FADS2: variants seen among roughly 807,000 people sequenced by gnomAD.
The protein encoded by FADS2 is fatty acid desaturase 2.
A neutral mutation model predicts 61.2 loss-of-function variants in FADS2; 18 were observed. The ratio of observed to expected loss-of-function variants is 0.29; its 90% CI spans 0.20 to 0.44. The LOEUF (loss-of-function observed/expected upper bound fraction) is 0.44, where lower values mean the gene tolerates loss of function less well. Among genes scored for constraint, FADS2 ranks in the 20% least tolerant of loss-of-function variants. The pLI, the probability that FADS2 is intolerant of heterozygous loss-of-function variation, is 1.00. For synonymous variants in FADS2, 203 were observed against 223.9 expected, an observed-to-expected ratio of 0.91 and a Z score of 0.83; for missense variants, 322 against 572.7, an observed-to-expected ratio of 0.56 and a Z score of 4.47.
intron 5 of FADS2, among the ~76,000 whole-genome samples, chr11:61,852,671 G>A (rs2067317339): frequency 6.6e-6 from 1 of 152,190 alleles, no homozygotes; most frequent in Non-Finnish European, 1.5e-5. Flanking sequence ...CGGGAAAGCA[G>A]TGGATATTGG....
chr11:61,833,587 C>G (rs2067146738), intron 1 of FADS2, among the ~76,000 whole-genome samples: 1 of 152,222 alleles, frequency 6.6e-6, no homozygotes, highest in Non-Finnish European at 1.5e-5. Context: ...CTCTGCCAAC[C>G]TACGCCTGAT....
In FADS2 at chr11:61,837,860, A is replaced by T; in HGVS notation, c.290A>T (p.Glu97Val). 1 of 1,613,734 alleles carries T rather than the reference A, an allele frequency of 6.2e-7. No homozygotes were observed. The highest frequency in any genetic ancestry group is 8.5e-7 in the Non-Finnish European group (1 of 1,179,808). The change falls in exon 2 of 12, where the codon GAG becomes GTG. Residue 97 changes from glutamate to valine, a missense_variant. Physicochemically the swap from Glu to Val is moderately radical, Grantham distance 121 (BLOSUM62 -2). Transcript: ENST00000278840. ...CTGCTGATTGGTGAACTGGCCCCGG[A>T]GGAGCCCAGCCAGGACCACGGCAAG... ...KPLLIGELAP[E>V]EPSQDHGKNS... is the part of the protein sequence containing the mutation.
At chr11:61,857,563 G>A (rs1591179399) in intron 7 of FADS2, 33 bp downstream of exon 7, 1 of 1,584,318 alleles carries the variant, frequency 6.3e-7, no homozygotes, top group Non-Finnish European at 8.7e-7. Flanking sequence ...TTGGCATGGG[G>A]AGGAGGGTGA....
upstream of FADS2, chr11:61,826,076 T>C (rs1323778861): frequency 1.4e-6 from 1 of 702,602 alleles, no homozygotes; most frequent in Non-Finnish European, 2.6e-6. Flanking sequence ...TGGAGTTATC[T>C]TTCTACACCA....
chr11:61,864,838 A>G (rs12577276), intron 10 of FADS2, among the ~76,000 whole-genome samples: 16,296 of 152,094 alleles, frequency 0.11, 1,655 homozygotes, highest in Admixed American at 0.28. Flanking sequence ...GCCTCACCTC[A>G]CTGCCTCTTT....
intron 1 of FADS2, among the ~76,000 whole-genome samples, chr11:61,834,292 G>A (rs915521956): frequency 1.3e-5 from 2 of 152,364 alleles, no homozygotes; most frequent in African/African-American, 4.8e-5. Flanking sequence ...ACGGCAGGAA[G>A]CGTGTGGCAC....
chr11:61,863,637 G>A, intron 9 of FADS2, 70 bp from the exon 10 acceptor site: 6 of 1,359,518 alleles, frequency 4.4e-6, no homozygotes, highest in Non-Finnish European at 6.3e-6. Context: ...GTAAGGCTGG[G>A]CCCCCTGGGA....
chr11:61,861,574 G>A (rs1437707088), intron 7 of FADS2, among the ~76,000 whole-genome samples: 1 of 152,118 alleles, frequency 6.6e-6, no homozygotes, highest in Non-Finnish European at 1.5e-5. Context: ...CAGAATAGAA[G>A]GAATGTGATG....
intron 7 of FADS2, among the ~76,000 whole-genome samples, chr11:61,861,458 G>A (rs1268484243): frequency 6.6e-6 from 1 of 151,616 alleles, no homozygotes; most frequent in Non-Finnish European, 1.5e-5. Context: ...CTCCAGCCTG[G>A]GCAATAAAGC....
At position 61,853,290 on chromosome 11, in the gene FADS2, C is replaced by CCCTTCCTTCCTTCCTTCCTTCCTTCCTT. The variant is rs59872671; in HGVS notation, c.745-3704_745-3677dup. 1.1e-3 allele frequency among the ~76,000 whole-genome samples: 88 copies of CCCTTCCTTCCTTCCTTCCTTCCTTCCTT among 81,744 alleles called. 1 individual carries two copies. Among genetic ancestry groups the CCCTTCCTTCCTTCCTTCCTTCCTTCCTT allele is most frequent in the African/African-American group, 1.8e-3 (29 of 16,346 alleles). The allele number at this position is 81,744 out of a possible 152,430, so 53.6% of individuals were successfully genotyped here. A position where few individuals can be genotyped will look rare whatever the true frequency, so the allele number is the denominator to read the frequency against. On this transcript the variant is annotated intron_variant, in intron 5 of 11. Coordinates refer to ENST00000278840, the MANE Select transcript of FADS2 (RefSeq NM_004265.4). The stretch of plus-strand genomic sequence containing the variant: ...CCCTCCCTCCCTTCCCTCCCTCCCT[C>CCCTTCCTTCCTTCCTTCCTTCCTTCCTT]CCTTCCTTCCTTCCTTCCTTCCTTC...
At chr11:61,853,156 A>AAAC (rs143352979) in intron 5 of FADS2, among the ~76,000 whole-genome samples, 79 of 149,434 alleles carry the variant, frequency 5.3e-4, no homozygotes, top group Admixed American at 1.3e-3. Context: ...CTCCGTCTCA[A>AAAC]AACAACAACA....
upstream of FADS2, chr11:61,828,133 G>A: frequency 7.3e-7 from 1 of 1,378,348 alleles, no homozygotes; most frequent in Non-Finnish European, 9.4e-7. The surrounding 1 kb of genome is among the most constrained non-coding windows in gnomAD (Gnocchi z 6.4). Flanking sequence ...ATAGCGGGAG[G>A]GCTGAGGGAG....
intron 1 of FADS2, chr11:61,817,148 C>CT (rs1229437069): frequency 3.2e-6 from 1 of 313,668 alleles, no homozygotes; most frequent in Non-Finnish European, 5.6e-6. Flanking sequence ...CGGGGCCGCG[C>CT]TGCAGGAGTG....
At chr11:61,858,976 C>T (rs745899172) in intron 7 of FADS2, among the ~76,000 whole-genome samples, 5 of 152,210 alleles carry the variant, frequency 3.3e-5, no homozygotes, top group African/African-American at 1.2e-4. Flanking sequence ...TCTATTTGTC[C>T]CTCATGCTCC....
At chr11:61,828,087 G>C (rs1251310073), upstream of FADS2, 2 of 1,274,588 alleles carry the variant, frequency 1.6e-6, no homozygotes, top group African/African-American at 3.1e-5. This position sits in a 1 kb window ranked among gnomAD's most constrained non-coding sequence, Gnocchi z 6.4. Flanking sequence ...TCGAGGCCCT[G>C]AGCTCCCGGG....
chr11:61,840,233 T>G, intron 2 of FADS2, 101 bp from the exon 3 acceptor site: 1 of 998,360 alleles, frequency 1.0e-6, no homozygotes, highest in Non-Finnish European at 1.6e-6. Flanking sequence ...TGCCACAGCT[T>G]CTCTGGGTTG....
chr11:61,842,497 G>T (rs2135963170), intron 4 of FADS2, among the ~76,000 whole-genome samples: 1 of 152,380 alleles, frequency 6.6e-6, no homozygotes, highest in African/African-American at 2.4e-5. Flanking sequence ...GGGCAGGGGG[G>T]ATTGTTCCTG....
intron 4 of FADS2, among the ~76,000 whole-genome samples, chr11:61,843,379 G>A (rs2067231622): frequency 6.6e-6 from 1 of 152,220 alleles, no homozygotes; most frequent in South Asian, 2.1e-4. Flanking sequence ...GCGGTGAGCT[G>A]TGATGGTGCC....
In FADS2 at chr11:61,816,394, G is replaced by A. The variant is rs1363654800; in HGVS notation, c.109G>A (p.Ala37Thr). Reference sequence around the variant, plus strand: ...GGCCTCTCTCCCGCCTTTTCATCCCGCATCCGCAGGACACCCAATCACCGG... The same window carrying A: ...GGCCTCTCTCCCGCCTTTTCATCCCACATCCGCAGGACACCCAATCACCGG... Residue 37 changes from alanine (A) to threonine (T), a missense_variant, in exon 1 of 12, where the codon GCA becomes ACA. Transcript: ENST00000257261. The surrounding 1 kb of genome is among the most constrained non-coding windows in gnomAD (Gnocchi z 7.0). 2 of 1,598,360 alleles carry A rather than the reference G, an allele frequency of 1.3e-6. No individual in the cohort carries two copies. Among genetic ancestry groups the A allele is most frequent in the Admixed American group, 3.3e-5 (2 of 59,984 alleles).
Sources: allele counts gnomAD v4.1 joint callset (sites outside exome capture counted in the v4.1 genomes callset), GRCh38; gene constraint gnomAD v4.1.1; non-coding constraint Gnocchi (gnomAD v3.1); transcripts MANE v1.5; gene names NCBI Gene and HGNC (gene_info 2026-07-23, HGNC 2026-07-21).